Variants in TCF4 observed in about 807,000 individuals in gnomAD.
TCF4 encodes the protein SL3-3 enhancer factor 2.
A neutral mutation model predicts 82.1 loss-of-function variants in TCF4; 3 were observed. That is an observed-to-expected ratio of 0.04 (90% confidence interval 0.02 to 0.09). The LOEUF (loss-of-function observed/expected upper bound fraction) is 0.09, where lower values mean the gene tolerates loss of function less well. Ranked by LOEUF, TCF4 falls within the 10% of genes least tolerant of loss-of-function variation. The pLI is 1.00. For missense variants in TCF4, 518 were observed against 852.7 expected (o/e 0.61, Z 4.89); for synonymous variants, 276 against 309.6 (o/e 0.89, Z 1.14).
chr18:55,404,048 A>G (rs554941524), intron 5 of TCF4: 492 of 1,127,700 alleles, frequency 4.4e-4, no homozygotes, highest in Middle Eastern at 3.9e-3. Context: ...GAACCCCATC[A>G]TGATCAAGAT....
chr18:55,556,303 C>T (rs917797828), intron 3 of TCF4, among the ~76,000 whole-genome samples: 1 of 152,068 alleles, frequency 6.6e-6, no homozygotes, highest in African/African-American at 2.4e-5. Context: ...ATAATGGCTT[C>T]CACATCTCAG....
intron 8 of TCF4, among the ~76,000 whole-genome samples, chr18:55,315,418 A>G (rs143053768): frequency 6.6e-6 from 1 of 152,314 alleles, no homozygotes; most frequent in African/African-American, 2.4e-5. Flanking sequence ...AGACAGAAAT[A>G]TCAGAAATGT....
intron 5 of TCF4, among the ~76,000 whole-genome samples, chr18:55,457,166 A>C (rs2095775871): frequency 6.6e-6 from 1 of 152,152 alleles, no homozygotes; most frequent in African/African-American, 2.4e-5. Context: ...GGCTATTCAC[A>C]CCTATTTAAA....
intron 3 of TCF4, among the ~76,000 whole-genome samples, chr18:55,542,892 C>G (rs376953037): frequency 2.0e-5 from 3 of 152,138 alleles, no homozygotes; most frequent in African/African-American, 7.2e-5. Flanking sequence ...ATCTAAAACT[C>G]TTAACTTAGA....
At chr18:55,385,974 G>A (rs913431034) in intron 6 of TCF4, among the ~76,000 whole-genome samples, 4 of 152,178 alleles carry the variant, frequency 2.6e-5, no homozygotes, top group Non-Finnish European at 5.9e-5. Flanking sequence ...CTTTCTTCAA[G>A]GGAAATGTAA....
chr18:55,373,388 T>C (rs956660519), intron 6 of TCF4, among the ~76,000 whole-genome samples: 2 of 152,168 alleles, frequency 1.3e-5, no homozygotes, highest in African/African-American at 2.4e-5. Context: ...CTTTGAGATA[T>C]ATTTTTTAAA....
At chr18:55,383,761 G>C (rs1569294551) in intron 6 of TCF4, 1 of 152,184 alleles carries the variant, frequency 6.6e-6, no homozygotes, top group Non-Finnish European at 1.5e-5. Context: ...TGTCAGGCCT[G>C]GCGGTAAAAG....
chr18:55,352,882 A>G (rs2082607533), intron 6 of TCF4, among the ~76,000 whole-genome samples: 1 of 152,140 alleles, frequency 6.6e-6, no homozygotes, highest in South Asian at 2.1e-4. Flanking sequence ...TCCATCAATA[A>G]AGCTGTGAAT....
At chr18:55,331,741 G>A (rs2077607234) in intron 8 of TCF4, among the ~76,000 whole-genome samples, 1 of 152,206 alleles carries the variant, frequency 6.6e-6, no homozygotes, top group Admixed American at 6.5e-5. Flanking sequence ...TGTTCCCCTA[G>A]TTTCCAAATG....
chr18:55,449,639 G>A (rs912418210), intron 5 of TCF4, among the ~76,000 whole-genome samples: 5 of 152,216 alleles, frequency 3.3e-5, no homozygotes, highest in Admixed American at 6.5e-5. Context: ...GAAAAGGCAC[G>A]GCCAGTCAGT....
chr18:55,379,426 T>A lies in TCF4; in HGVS notation c.369+24028A>T, dbSNP rs995054761. On this transcript the variant is annotated intron_variant, in intron 6 of 19. Transcript: ENST00000354452. Reference sequence around the variant, plus strand: ...GCTGAAATCTCAGGCAAGAATTACATCTCAGGGTAGCAGAGATGCAGCAGC... The same window carrying A: ...GCTGAAATCTCAGGCAAGAATTACAACTCAGGGTAGCAGAGATGCAGCAGC... 2.6e-5 allele frequency among the ~76,000 whole-genome samples: 4 copies of A among 152,106 alleles called. No individual in the cohort carries two copies. In the South Asian group the frequency reaches 6.2e-4, roughly 24 times the overall value.
chr18:55,342,962 C>T (rs1189442309), intron 8 of TCF4, among the ~76,000 whole-genome samples: 1 of 151,980 alleles, frequency 6.6e-6, no homozygotes, highest in Admixed American at 6.6e-5. Flanking sequence ...TTATTATAAG[C>T]GTAATTCAGG....
chr18:55,493,683 TTAAG>T (rs1341728436), intron 3 of TCF4, among the ~76,000 whole-genome samples: 3 of 152,198 alleles, frequency 2.0e-5, no homozygotes, highest in Non-Finnish European at 4.4e-5. Context: ...TATTGTTTAC[TTAAG>T]TTTGTGTAAA....
chr18:55,463,625 G>C (rs2095922649), intron 4 of TCF4, among the ~76,000 whole-genome samples: 1 of 152,162 alleles, frequency 6.6e-6, no homozygotes, highest in Non-Finnish European at 1.5e-5. Context: ...ATACTGGTAG[G>C]ATAGAACTTC....
intron 3 of TCF4, among the ~76,000 whole-genome samples, chr18:55,572,839 A>G (rs1390864562): frequency 6.6e-6 from 1 of 152,174 alleles, no homozygotes; most frequent in African/African-American, 2.4e-5. Flanking sequence ...AGATCACCTG[A>G]GGTCGGGAGT....
chr18:55,280,570 C>T (rs575551521), intron 8 of TCF4, among the ~76,000 whole-genome samples: 1 of 152,022 alleles, frequency 6.6e-6, no homozygotes, highest in Admixed American at 6.6e-5. Context: ...TTCTTTTGCT[C>T]TCAAAGTTCC....
At position 55,321,911 on chromosome 18, in the gene TCF4, CGCT is replaced by C. The variant is rs543409197; in HGVS notation, c.549+28445_549+28447del. 2,901 of 1,401,238 alleles carry C rather than the reference CGCT, an allele frequency of 2.1e-3. 2 individuals are homozygous for C. The highest frequency in any genetic ancestry group is 2.4e-3 in the Non-Finnish European group (2,626 of 1,080,388). The allele number at this position is 1,401,238 out of a possible 1,614,324, so 86.8% of individuals were successfully genotyped here. The stretch of plus-strand genomic sequence containing the variant: ...TCCTGGCGGGCGGGGGAGGCCGCGG[CGCT>C]GCTGTCAGACGCTCAACTTTGCGCA... On this transcript the variant is annotated intron_variant, in intron 8 of 19. Coordinates refer to ENST00000354452, the MANE Select transcript of TCF4 (RefSeq NM_001083962.2).
At chr18:55,234,526 T>A (rs758189090) in intron 16 of TCF4, 22 bp downstream of exon 16, 3 of 1,614,152 alleles carry the variant, frequency 1.9e-6, no homozygotes, top group Non-Finnish European at 2.5e-6. Context: ...AGGTCAGAAG[T>A]GCCCTGGTGA....
At chr18:55,484,274 C>T (rs994166812) in intron 3 of TCF4, among the ~76,000 whole-genome samples, 2 of 152,268 alleles carry the variant, frequency 1.3e-5, no homozygotes, top group South Asian at 2.1e-4. Flanking sequence ...ATATGCCCCA[C>T]AGAAAACCGC....
Sources: allele counts gnomAD v4.1 joint callset (sites outside exome capture counted in the v4.1 genomes callset), GRCh38; gene constraint gnomAD v4.1.1; transcripts MANE v1.5; gene names NCBI Gene and HGNC (gene_info 2026-07-23, HGNC 2026-07-21).